SHOC1: variants seen among roughly 807,000 people sequenced by gnomAD.
The protein encoded by SHOC1 is shortage in chiasmata 1, also known as protein shortage in chiasmata 1 ortholog.
Under a neutral mutation model 179.2 loss-of-function variants are expected in SHOC1, and 136 were observed. The observed-to-expected ratio is 0.76, with a 90% CI of 0.66 to 0.87. SHOC1 has a LOEUF of 0.87. SHOC1 is among the 40% of genes least tolerant of loss of function. The pLI is 0.00. For synonymous variants in SHOC1, 489 were observed against 586.6 expected, an observed-to-expected ratio of 0.83 and a Z score of 2.41; for missense variants, 1,538 against 1,700.8, an observed-to-expected ratio of 0.90 and a Z score of 1.68.
At chr9:111,785,523 C>T (rs1278532433) in intron 3 of SHOC1, among the ~76,000 whole-genome samples, 2 of 152,098 alleles carry the variant, frequency 1.3e-5, no homozygotes, top group Admixed American at 1.3e-4. Context: ...TAGTCCATGA[C>T]TTGATACAAA....
chr9:111,788,632 CG>C (rs1283488203), intron 2 of SHOC1, among the ~76,000 whole-genome samples: 1 of 152,084 alleles, frequency 6.6e-6, no homozygotes, highest in Non-Finnish European at 1.5e-5. Flanking sequence ...TGACAAAAAA[CG>C]GGATGACATC....
At chr9:111,766,585 G>A (rs1040737017) in intron 5 of SHOC1, among the ~76,000 whole-genome samples, 1 of 151,906 alleles carries the variant, frequency 6.6e-6, no homozygotes, top group Non-Finnish European at 1.5e-5. Context: ...TAACTTGGGT[G>A]AAATTTCATT....
intron 13 of SHOC1, among the ~76,000 whole-genome samples, chr9:111,724,245 C>G (rs891043515): frequency 6.6e-6 from 1 of 152,182 alleles, no homozygotes. Context: ...TACTTAATTT[C>G]TCTGTGACTT....
chr9:111,775,639 G>C, intron 5 of SHOC1, 152 bp downstream of exon 5: 1 of 561,104 alleles, frequency 1.8e-6, no homozygotes, highest in Non-Finnish European at 3.0e-6. Context: ...ATATGAATGA[G>C]GAAATACTGC....
intron 18 of SHOC1, among the ~76,000 whole-genome samples, chr9:111,708,235 C>G (rs1371033096): frequency 6.6e-6 from 1 of 151,250 alleles, no homozygotes; most frequent in African/African-American, 2.4e-5. Context: ...CAGAGTCTCG[C>G]TCTGTCGCCC....
chr9:111,702,706 T>C (rs1257989099), intron 22 of SHOC1, among the ~76,000 whole-genome samples: 1 of 152,266 alleles, frequency 6.6e-6, no homozygotes, highest in Non-Finnish European at 1.5e-5. Flanking sequence ...TCTGGGAATC[T>C]CTACCTAATG....
At chr9:111,741,058 T>A (rs1834016425) in intron 11 of SHOC1, among the ~76,000 whole-genome samples, 1 of 152,210 alleles carries the variant, frequency 6.6e-6, no homozygotes, top group Non-Finnish European at 1.5e-5. Flanking sequence ...CCCGGCTAAT[T>A]TCCGGCCGTT....
In SHOC1 at chr9:111,713,149, G is replaced by T; in HGVS notation, c.2439C>A (p.Asp813Glu). 1 of 1,568,654 alleles carries T rather than the reference G, an allele frequency of 6.4e-7. No individual in the cohort carries two copies. The highest frequency in any genetic ancestry group is 1.1e-5 in the South Asian group (1 of 88,366). ...QIKVLIIIRM[D>E]SDGEKHFLIK... ...TGAGAAAATGTTTTTCACCGTCTGA[G>T]TCCATTCTTATTATAATCAGTACCT... The change falls in exon 18 of 28, where the codon GAC becomes GAA. Residue 813 changes from aspartate (D) to glutamate (E), a missense_variant. Coordinates refer to ENST00000682961, the MANE Select transcript of SHOC1 (RefSeq NM_001378211.1).
rs772200225 is a variant in SHOC1, at chr9:111,781,033, G to C, written c.170-16C>G. ...ACAGCTGAGACTAGAAAGGATAATA[G>C]TTAACATTAATGTCTAGAATTTTCT... On this transcript the variant is annotated splice_polypyrimidine_tract_variant and intron_variant, in intron 3 of 27. Transcript: ENST00000682961. 2 of 1,577,392 alleles carry C rather than the reference G, an allele frequency of 1.3e-6. No homozygotes were observed. The highest frequency in any genetic ancestry group is 1.7e-6 in the Non-Finnish European group (2 of 1,149,334).
In SHOC1 at chr9:111,691,721, C is replaced by T. The variant is rs894670709; in HGVS notation, c.4256G>A (p.Trp1419Ter). ...TCESSKDETFWRELPSVPSLD... is the reference protein window; with the variant it reads ...TCESSKDETF ...ACTGGGGACAGATGGTAATTCTCTCCAGAAAGTCTCATCTTTTGAACTTTC... is the reference window on the plus strand; with the variant it reads ...ACTGGGGACAGATGGTAATTCTCTCTAGAAAGTCTCATCTTTTGAACTTTC... The change falls in exon 27 of 28, where the codon TGG becomes TAG. Residue 1419 changes from tryptophan (W) to a stop codon, truncating the protein, a stop_gained. Coordinates refer to ENST00000682961, the MANE Select transcript of SHOC1 (RefSeq NM_001378211.1). LOFTEE classifies it high-confidence loss of function. 9 of 1,613,950 alleles carry T rather than the reference C, an allele frequency of 5.6e-6. No homozygotes were observed. The highest frequency in any genetic ancestry group is 7.6e-6 in the Non-Finnish European group (9 of 1,179,936).
At chr9:111,694,760 A>G (rs897488573) in intron 24 of SHOC1, among the ~76,000 whole-genome samples, 1 of 152,108 alleles carries the variant, frequency 6.6e-6, no homozygotes, top group Non-Finnish European at 1.5e-5. Flanking sequence ...TTTTAAAAAT[A>G]TAGTGCAAGA....
intron 15 of SHOC1, among the ~76,000 whole-genome samples, chr9:111,720,129 C>T (rs1832969450): frequency 6.6e-6 from 1 of 152,100 alleles, no homozygotes; most frequent in Admixed American, 6.5e-5. Context: ...CTATTTTTTC[C>T]GCTTCTTGTA....
intron 27 of SHOC1, among the ~76,000 whole-genome samples, chr9:111,690,741 G>C (rs1452099774): frequency 6.6e-6 from 1 of 152,134 alleles, no homozygotes; most frequent in Admixed American, 6.5e-5. Context: ...TATTAAATAA[G>C]AGCAAATCCA....
At chr9:111,731,192 T>G (rs987697231) in intron 12 of SHOC1, among the ~76,000 whole-genome samples, 10 of 152,174 alleles carry the variant, frequency 6.6e-5, no homozygotes, top group African/African-American at 2.4e-4. Flanking sequence ...ATATTAGCAA[T>G]AAGACTATTT....
chr9:111,697,849 A>T (rs1831775936), intron 24 of SHOC1, among the ~76,000 whole-genome samples: 1 of 152,154 alleles, frequency 6.6e-6, no homozygotes, highest in South Asian at 2.1e-4. Context: ...TCTCTCCAGC[A>T]TCTGTTGTTT....
chr9:111,746,438 G>T, intron 9 of SHOC1, 96 bp from the exon 10 acceptor site: 1 of 688,214 alleles, frequency 1.5e-6, no homozygotes, highest in Non-Finnish European at 2.5e-6. Context: ...ACTTTGGGAG[G>T]CTGAGGTAGG....
intron 13 of SHOC1, among the ~76,000 whole-genome samples, chr9:111,724,372 C>T (rs997483543): frequency 4.6e-5 from 7 of 151,810 alleles, no homozygotes; most frequent in African/African-American, 1.7e-4. Context: ...CAGTGTCTCC[C>T]TCTGTCACCC....
chr9:111,725,917 C>T (rs1180184993), intron 13 of SHOC1, among the ~76,000 whole-genome samples: 1 of 151,984 alleles, frequency 6.6e-6, no homozygotes, highest in East Asian at 1.9e-4. Context: ...ATAATATACC[C>T]TATCATAAGC....
At chr9:111,698,479 G>A (rs1055670029) in intron 24 of SHOC1, among the ~76,000 whole-genome samples, 4 of 152,096 alleles carry the variant, frequency 2.6e-5, no homozygotes, top group Admixed American at 6.6e-5. Flanking sequence ...TTTTTGTCAG[G>A]TTTGTCAAAG....
Sources: allele counts gnomAD v4.1 joint callset (sites outside exome capture counted in the v4.1 genomes callset), GRCh38; gene constraint gnomAD v4.1.1; transcripts MANE v1.5; gene names NCBI Gene and HGNC (gene_info 2026-07-23, HGNC 2026-07-21).